RABGAP1L: variants seen among roughly 807,000 people sequenced by gnomAD.
RABGAP1L encodes the protein RAB GTPase activating protein 1 like.
RABGAP1L carries 63 observed loss-of-function variants against 137.7 expected under a neutral mutation model. The observed-to-expected ratio is 0.46, with a 90% CI of 0.37 to 0.56. The LOEUF is 0.56. RABGAP1L is among the 20% of genes least tolerant of loss of function. The pLI is 0.00. For missense variants in RABGAP1L, 1,095 were observed against 1,244.0 expected (o/e 0.88, Z 1.80); for synonymous variants, 431 against 433.7 (o/e 0.99, Z 0.08).
At chr1:174,501,767 G>A (rs1055101800) in intron 13 of RABGAP1L, among the ~76,000 whole-genome samples, 16 of 151,998 alleles carry the variant, frequency 1.1e-4, no homozygotes, top group Non-Finnish European at 2.2e-4. Context: ...AGGTGTTAGT[G>A]TTTCTAAAAC....
intron 13 of RABGAP1L, among the ~76,000 whole-genome samples, chr1:174,609,894 T>C (rs1671065375): frequency 6.6e-6 from 1 of 152,068 alleles, no homozygotes; most frequent in Admixed American, 6.6e-5. Flanking sequence ...TAAATTATTT[T>C]GGATGAATCA....
intron 18 of RABGAP1L, among the ~76,000 whole-genome samples, chr1:174,802,639 T>A (rs1688858586): frequency 6.6e-6 from 1 of 152,212 alleles, no homozygotes; most frequent in African/African-American, 2.4e-5. Flanking sequence ...CGCTGATTTA[T>A]CTTGGGGGCC....
chr1:174,940,600 C>T (rs781311857), intron 19 of RABGAP1L, among the ~76,000 whole-genome samples: 27 of 152,008 alleles, frequency 1.8e-4, no homozygotes, highest in Non-Finnish European at 3.7e-4. Flanking sequence ...CTTTATCTTC[C>T]CTTCTACTTT....
chr1:174,189,650 A>C (rs1004610300), intron 1 of RABGAP1L, among the ~76,000 whole-genome samples: 3 of 152,106 alleles, frequency 2.0e-5, no homozygotes, highest in African/African-American at 7.2e-5. Context: ...TTATCATGGG[A>C]GTGAGACTGA....
chr1:174,505,416 A>G (rs2147780634), intron 13 of RABGAP1L, among the ~76,000 whole-genome samples: 1 of 151,672 alleles, frequency 6.6e-6, no homozygotes, highest in South Asian at 2.1e-4. Context: ...CCAAAACATT[A>G]TATCGGTACA....
intron 14 of RABGAP1L, among the ~76,000 whole-genome samples, chr1:174,666,345 T>C (rs568965393): frequency 9.2e-5 from 14 of 152,348 alleles, no homozygotes; most frequent in African/African-American, 3.4e-4. Flanking sequence ...AGCTCCTGTT[T>C]AAGTAAAAAG....
At chr1:174,764,672 A>T (rs1685519074) in intron 18 of RABGAP1L, among the ~76,000 whole-genome samples, 4 of 152,144 alleles carry the variant, frequency 2.6e-5, no homozygotes, top group Admixed American at 2.6e-4. Flanking sequence ...GTGCAGTGGC[A>T]CAATCATAGC....
intron 11 of RABGAP1L, chr1:174,367,144 G>A (rs1292099460): frequency 1.3e-5 from 2 of 152,782 alleles, no homozygotes; most frequent in African/African-American, 4.8e-5. Flanking sequence ...TTATATGTGA[G>A]AGTGGCTGTT....
chr1:174,373,207 A>T (rs1685249067), intron 12 of RABGAP1L, among the ~76,000 whole-genome samples: 1 of 152,166 alleles, frequency 6.6e-6, no homozygotes, highest in East Asian at 1.9e-4. Context: ...AGCGGCAGGA[A>T]GTGAGATGGG....
intron 13 of RABGAP1L, among the ~76,000 whole-genome samples, chr1:174,542,082 TG>T (rs1355013306): frequency 6.6e-6 from 1 of 152,194 alleles, no homozygotes; most frequent in Admixed American, 6.5e-5. Context: ...TGCCAGGCAT[TG>T]GTATCAGGAT....
At chr1:174,623,474 C>A (rs979439586) in intron 13 of RABGAP1L, among the ~76,000 whole-genome samples, 1 of 152,160 alleles carries the variant, frequency 6.6e-6, no homozygotes, top group African/African-American at 2.4e-5. Flanking sequence ...CAGTGTATTA[C>A]AACTATAGAA....
At chr1:174,639,036 TA>T (rs541148505) in intron 14 of RABGAP1L, among the ~76,000 whole-genome samples, 1,796 of 130,216 alleles carry the variant, frequency 0.014, 12 homozygotes, top group African/African-American at 0.022. Flanking sequence ...TAAAGTGTAA[TA>T]AAAAAAAAAA....
At chr1:174,820,266 G>A (rs1267077946) in intron 19 of RABGAP1L, among the ~76,000 whole-genome samples, 2 of 152,200 alleles carry the variant, frequency 1.3e-5, no homozygotes, top group Admixed American at 6.5e-5. Flanking sequence ...GGCCAGGGCA[G>A]TTGTGCTAAT....
At chr1:174,176,432 G>GTACA (rs1665855796) in intron 1 of RABGAP1L, among the ~76,000 whole-genome samples, 2 of 152,070 alleles carry the variant, frequency 1.3e-5, no homozygotes, top group Admixed American at 6.6e-5. Flanking sequence ...AAGTCAAGCT[G>GTACA]GGCATGGTGG....
chr1:174,946,139 A>C (rs1666725379), intron 19 of RABGAP1L, among the ~76,000 whole-genome samples: 2 of 151,354 alleles, frequency 1.3e-5, no homozygotes. Context: ...AATGTGGCAG[A>C]TATCTTAGGT....
chr1:174,822,444 A>G (rs1455750682), intron 19 of RABGAP1L, among the ~76,000 whole-genome samples: 1 of 152,210 alleles, frequency 6.6e-6, no homozygotes, highest in African/African-American at 2.4e-5. Flanking sequence ...ACAGTTGATA[A>G]CAGGCAGAGG....
intron 13 of RABGAP1L, among the ~76,000 whole-genome samples, chr1:174,582,982 T>C (rs759308547): frequency 2.0e-5 from 3 of 152,208 alleles, no homozygotes; most frequent in Non-Finnish European, 4.4e-5. Flanking sequence ...TTTCAAATTA[T>C]GTAAATCTCT....
chr1:174,638,763 A>G (rs558932189), intron 14 of RABGAP1L, among the ~76,000 whole-genome samples: 79 of 147,962 alleles, frequency 5.3e-4, no homozygotes, highest in South Asian at 4.0e-3. Flanking sequence ...GGAAACCATC[A>G]TTCTCAGTAA....
At chr1:174,880,987 G>A (rs1038131543) in intron 19 of RABGAP1L, among the ~76,000 whole-genome samples, 1 of 152,168 alleles carries the variant, frequency 6.6e-6, no homozygotes, top group Non-Finnish European at 1.5e-5. Flanking sequence ...AAGCAGCAGA[G>A]TATAGAGGAC....
Sources: allele counts gnomAD v4.1 joint callset (sites outside exome capture counted in the v4.1 genomes callset), GRCh38; gene constraint gnomAD v4.1.1; transcripts MANE v1.5; gene names NCBI Gene and HGNC (gene_info 2026-07-23, HGNC 2026-07-21).